The following SRCAP variants were observed in gnomAD, a reference collection of about 807,000 sequenced individuals.
SRCAP encodes chromatin remodeling protein SRCAP.
A neutral mutation model predicts 263.1 loss-of-function variants in SRCAP; 46 were observed. The ratio of observed to expected loss-of-function variants is 0.17; its 90% CI spans 0.14 to 0.22. SRCAP has a LOEUF of 0.22. Ranked by LOEUF, SRCAP falls within the 10% of genes least tolerant of loss-of-function variation. The pLI is 1.00. For synonymous variants in SRCAP, 1,813 were observed against 1,662.1 expected (o/e 1.09, Z -2.21); for missense variants, 3,695 against 4,181.9 (o/e 0.88, Z 3.21).
At position 30,720,954 on chromosome 16, in the gene SRCAP, C is replaced by T. The variant is rs1422046610; in HGVS notation, c.3229C>T (p.Pro1077Ser). 6.2e-7 allele frequency: 1 copy of T among 1,610,466 alleles called. No individual in the cohort carries two copies. Among genetic ancestry groups the T allele is most frequent in the South Asian group, 1.1e-5 (1 of 90,480 alleles). Residue 1077 changes from proline to serine, a missense_variant, in exon 20 of 34, where the codon CCC becomes TCC. Pro to Ser is a moderately conservative substitution (Grantham distance 74). Coordinates refer to ENST00000262518, the MANE Select transcript of SRCAP (RefSeq NM_006662.3). ...CCCTGTCCTCTTGCCTCCACTGCAG[C>T]CCAACAGTGGTTCTCTCCCCCAGGG... Reference protein sequence around the residue: ...PGPVLLPPLQPNSGSLPQVLP... With the variant: ...PGPVLLPPLQSNSGSLPQVLP...
chr16:30,719,886 C>T (rs2052993028), intron 18 of SRCAP, among the ~76,000 whole-genome samples: 1 of 152,026 alleles, frequency 6.6e-6, no homozygotes, highest in Non-Finnish European at 1.5e-5. Flanking sequence ...TGAGGTTTGG[C>T]GTACGATTGA....
At chr16:30,736,795 C>T (rs568428396) in intron 33 of SRCAP, among the ~76,000 whole-genome samples, 171 bp downstream of exon 33, 1 of 152,236 alleles carries the variant, frequency 6.6e-6, no homozygotes, top group East Asian at 1.9e-4. Flanking sequence ...GCATCAGCCT[C>T]CCGAGAAGCT....
At position 30,737,277 on chromosome 16, in the gene SRCAP, C is replaced by G. The variant is rs747402253; in HGVS notation, c.7237C>G (p.Pro2413Ala). Residue 2413 changes from proline (P) to alanine (A), a missense_variant, in exon 34 of 34, where the codon CCT becomes GCT. Around this residue, in one of 12 missense-constraint regions of SRCAP, gnomAD observed 1,207 missense variants for 1,142.9 expected, o/e 1.06. Coordinates refer to ENST00000262518, the MANE Select transcript of SRCAP (RefSeq NM_006662.3). The part of the protein sequence containing the change: ...RAETQGANHT[P>A]VISAHQTRST... ...TGAGACTCAAGGGGCAAACCACACT[C>G]CTGTCATATCCGCCCATCAAACTCG... 1.2e-6 allele frequency: 2 copies of G among 1,614,072 alleles called. No homozygotes were observed. The highest frequency in any genetic ancestry group is 1.6e-4 in the Middle Eastern group (1 of 6,062).
At position 30,734,714 on chromosome 16, in the gene SRCAP, T is replaced by C. The variant is rs772256025; in HGVS notation, c.6729+99T>C. 5.8e-4 allele frequency: 893 copies of C among 1,539,916 alleles called. 2 individuals are homozygous for C. Among genetic ancestry groups the C allele is most frequent in the Non-Finnish European group, 7.5e-4 (852 of 1,132,690 alleles). Reference sequence around the variant, plus strand: ...AGCTTGTCCAGGGGAAAGAGATGTTTCTTCTGCTTCCCAGATTACAGTCAG... The same window carrying C: ...AGCTTGTCCAGGGGAAAGAGATGTTCCTTCTGCTTCCCAGATTACAGTCAG... On this transcript the variant is annotated intron_variant, in intron 31 of 33. Coordinates refer to ENST00000262518, the MANE Select transcript of SRCAP (RefSeq NM_006662.3).
intron 18 of SRCAP, among the ~76,000 whole-genome samples, chr16:30,719,192 C>T (rs933980712): frequency 2.5e-4 from 33 of 130,800 alleles, no homozygotes; most frequent in East Asian, 7.4e-4. Context: ...CATGGTGCCC[C>T]GCCTATTATT....
At position 30,721,294 on chromosome 16, in the gene SRCAP, C is replaced by T. The variant is rs200913193; in HGVS notation, c.3359C>T (p.Pro1120Leu). 1 of 1,614,210 alleles carries T rather than the reference C, an allele frequency of 6.2e-7. No homozygotes were observed. Among genetic ancestry groups the T allele is most frequent in the Non-Finnish European group, 8.5e-7 (1 of 1,180,046 alleles). ...PPAPVRLSPA[P>L]PPGSSSLLKP... The stretch of plus-strand genomic sequence containing the variant: ...GCCCCAGTTCGCCTGAGCCCAGCCC[C>T]ACCTCCAGGCTCCTCTAGCCTGTTG... The change falls in exon 21 of 34, where the codon CCA (proline) becomes CTA (leucine). Residue 1120 changes from proline to leucine, a missense_variant. This residue lies in a region of SRCAP where 1,347 missense variants were observed against 1,304.4 expected (regional missense o/e 1.03). Coordinates refer to ENST00000262518, the MANE Select transcript of SRCAP (RefSeq NM_006662.3).
chr16:30,709,324 C>G (rs1344335003), intron 6 of SRCAP, among the ~76,000 whole-genome samples, 189 bp from the exon 7 acceptor site: 1 of 152,036 alleles, frequency 6.6e-6, no homozygotes, highest in Non-Finnish European at 1.5e-5. Flanking sequence ...TGAGGCGAAG[C>G]TGGCTCTTCT....
intron 6 of SRCAP, 142 bp downstream of exon 6, chr16:30,707,854 A>G: frequency 1.8e-6 from 2 of 1,108,112 alleles, no homozygotes; most frequent in Non-Finnish European, 2.6e-6. Flanking sequence ...TGGATAAAAA[A>G]GTATAGTGGC....
intron 10 of SRCAP, 47 bp downstream of exon 10, chr16:30,711,135 G>A (rs1471859002): frequency 1.4e-6 from 2 of 1,440,180 alleles, no homozygotes; most frequent in South Asian, 2.4e-5. Context: ...GGTGTCTGCG[G>A]TGTGCAGTAC....
rs1306450237 is a variant in SRCAP, at chr16:30,739,600, C to G, written c.9560C>G (p.Pro3187Arg). ...SGEEEEGDGT[P>R]RRRPGPRRLV... Reference sequence around the variant, plus strand: ...GAGGAGGAGGAAGGGGATGGGACCCCACGCCGACGTCCTGGCCCCCGCCGG... The same window carrying G: ...GAGGAGGAGGAAGGGGATGGGACCCGACGCCGACGTCCTGGCCCCCGCCGG... Residue 3187 changes from proline to arginine, a missense_variant, in exon 34 of 34, where the codon CCA (proline) becomes CGA (arginine). Physicochemically the swap from Pro to Arg is moderately radical, Grantham distance 103 (BLOSUM62 -2). Coordinates refer to ENST00000262518, the MANE Select transcript of SRCAP (RefSeq NM_006662.3). The G allele has an allele frequency of 6.3e-7, 1 of 1,596,408 alleles. No individual in the cohort carries two copies.
chr16:30,709,454 T>TAA, intron 6 of SRCAP, 59 bp from the exon 7 acceptor site: 1 of 1,587,546 alleles, frequency 6.3e-7, no homozygotes, highest in East Asian at 2.2e-5. Flanking sequence ...AAACATCGGG[T>TAA]AAAAGTACAT....
At chr16:30,711,771 C>T in intron 11 of SRCAP, 27 bp downstream of exon 11, 1 of 1,609,944 alleles carries the variant, frequency 6.2e-7, no homozygotes, top group South Asian at 1.1e-5. Context: ...GAAGCAGGAG[C>T]TGGGGAGGGT....
At position 30,737,487 on chromosome 16, in the gene SRCAP, C is replaced by A. The variant is rs2053172023; in HGVS notation, c.7447C>A (p.Pro2483Thr). The A allele has an allele frequency of 6.3e-7, 1 of 1,585,794 alleles. No homozygotes were observed. Among genetic ancestry groups the A allele is most frequent in the African/African-American group, 1.3e-5 (1 of 74,226 alleles). The part of the protein sequence containing the change: ...PITILPVHIL[P>T]SPPPPSQIPP... The stretch of plus-strand genomic sequence containing the variant: ...AACCATTCTCCCTGTCCATATCTTG[C>A]CTTCTCCTCCCCCTCCTTCACAGAT... Residue 2483 changes from proline (P) to threonine (T), a missense_variant, in exon 34 of 34, where the codon CCT becomes ACT. By Grantham distance (38) the Pro-to-Thr change is conservative. Around this residue, in one of 12 missense-constraint regions of SRCAP, gnomAD observed 1,207 missense variants for 1,142.9 expected, o/e 1.06. Coordinates refer to ENST00000262518, the MANE Select transcript of SRCAP (RefSeq NM_006662.3).
chr16:30,729,087 C>T lies in SRCAP; in HGVS notation c.5780C>T (p.Thr1927Ile), dbSNP rs750103036. The change falls in exon 26 of 34, where the codon ACC becomes ATC. Residue 1927 changes from threonine to isoleucine, a missense_variant. Thr to Ile is a moderately conservative substitution (Grantham distance 89, BLOSUM62 -1). Coordinates refer to ENST00000262518, the MANE Select transcript of SRCAP (RefSeq NM_006662.3). ...GGGACTGAAGTCCTGGATTTCTGTA[C>T]CCTGCCCCAACCTGTTGCCAGCCCC... ...VYGTEVLDFC[T>I]LPQPVASPIG... The T allele has an allele frequency of 2.0e-5, 33 of 1,614,190 alleles. No homozygotes were observed. The highest frequency in any genetic ancestry group is 2.6e-5 in the Non-Finnish European group (31 of 1,180,030).
Position 30,739,748 on chromosome 16 carries a change from C to T in SRCAP, c.*15C>T, listed in dbSNP as rs764991569. The T allele has an allele frequency of 1.2e-5, 18 of 1,457,684 alleles. No individual in the cohort carries two copies. The South Asian group carries it at 2.5e-4, about 20-fold the overall frequency. The allele number at this position is 1,457,684 out of a possible 1,614,324, so 90.3% of individuals were successfully genotyped here. ...CCAAGACGTGAGTGGGCTGCCCCTC[C>T]ACCTAGGCTTTCCACCGTGGCCACT... On this transcript the variant is annotated 3_prime_UTR_variant, in exon 34 of 34. Transcript: ENST00000262518.
At chr16:30,710,155 G>C in intron 8 of SRCAP, 27 bp downstream of exon 8, 1 of 1,601,746 alleles carries the variant, frequency 6.2e-7, no homozygotes, top group African/African-American at 1.3e-5. Flanking sequence ...CAGAGGGAGG[G>C]TTCAGAGGGG....
At chr16:30,712,600 GGT>G in intron 13 of SRCAP, 77 bp from the exon 14 acceptor site, 1 of 1,589,230 alleles carries the variant, frequency 6.3e-7, no homozygotes, top group Non-Finnish European at 8.6e-7. Context: ...AGGGCCAAAG[GGT>G]GGCCAGGGTT....
intron 30 of SRCAP, chr16:30,734,274 C>T (rs1479379226): frequency 4.9e-5 from 32 of 651,716 alleles, no homozygotes; most frequent in South Asian, 4.0e-4. Flanking sequence ...ACCTAAGAGG[C>T]GGAGGTTGCA....
Position 30,738,491 on chromosome 16 carries a change from G to T in SRCAP, c.8451G>T (p.Leu2817=). Reference sequence around the variant, plus strand: ...GTGAAGCTGCTCCTTCATCCTCACTGCCCACTCCACCCCAGCAGCCCTTCA... The same window carrying T: ...GTGAAGCTGCTCCTTCATCCTCACTTCCCACTCCACCCCAGCAGCCCTTCA... ...GPCEAAPSSS[L]PTPPQQPFIA... is the part of the protein sequence containing the mutation. Residue 2817 remains leucine, a synonymous_variant, in exon 34 of 34, where the codon CTG becomes CTT. Transcript: ENST00000262518. The T allele has an allele frequency of 6.2e-7, 1 of 1,604,286 alleles. No individual in the cohort carries two copies. Among genetic ancestry groups the T allele is most frequent in the Admixed American group, 1.7e-5 (1 of 58,562 alleles).
Sources: allele counts gnomAD v4.1 joint callset (sites outside exome capture counted in the v4.1 genomes callset), GRCh38; gene constraint gnomAD v4.1.1; regional missense constraint gnomAD v4.1.1; transcripts MANE v1.5; gene names NCBI Gene and HGNC (gene_info 2026-07-23, HGNC 2026-07-21).